Variants in UBE2W observed in about 807,000 individuals in gnomAD.
UBE2W encodes ubiquitin-conjugating enzyme E2 W.
A neutral mutation model predicts 27.2 loss-of-function variants in UBE2W; 18 were observed. The observed-to-expected ratio is 0.66, with a 90% CI of 0.46 to 0.98. The LOEUF is 0.98. UBE2W is among the 50% of genes least tolerant of loss of function. The pLI, the probability that UBE2W is intolerant of heterozygous loss-of-function variation, is 0.00. For missense variants in UBE2W, 90 were observed against 180.2 expected, an observed-to-expected ratio of 0.50 and a Z score of 2.87; for synonymous variants, 53 against 57.2, an observed-to-expected ratio of 0.93 and a Z score of 0.33.
chr8:73,808,150 G>T (rs965005529), intron 4 of UBE2W, among the ~76,000 whole-genome samples: 2 of 152,150 alleles, frequency 1.3e-5, no homozygotes, highest in African/African-American at 4.8e-5. Flanking sequence ...AATTAACAAA[G>T]TAAAGCCCAT....
At chr8:73,820,600 G>C (rs1809569258) in intron 3 of UBE2W, among the ~76,000 whole-genome samples, 1 of 152,028 alleles carries the variant, frequency 6.6e-6, no homozygotes, top group Admixed American at 6.6e-5. Flanking sequence ...AATAAGCCAG[G>C]CATGGTGGTG....
intron 1 of UBE2W, among the ~76,000 whole-genome samples, chr8:73,865,656 G>A (rs929158075): frequency 6.6e-6 from 1 of 152,028 alleles, no homozygotes; most frequent in East Asian, 1.9e-4. Context: ...TTCTCTACTA[G>A]AATCCTTAAA....
intron 1 of UBE2W, among the ~76,000 whole-genome samples, chr8:73,851,185 TTTCA>T (rs754327403): frequency 1.7e-4 from 25 of 148,532 alleles, no homozygotes; most frequent in Non-Finnish European, 3.3e-4. Context: ...TGTATGCATG[TTTCA>T]TTATCTTTTT....
chr8:73,836,500 G>C (rs1810312447), intron 1 of UBE2W, among the ~76,000 whole-genome samples: 1 of 152,178 alleles, frequency 6.6e-6, no homozygotes, highest in Non-Finnish European at 1.5e-5. Context: ...CAGTTCATTA[G>C]ACAGGGCAGG....
chr8:73,785,533 T>C (rs75503497), downstream of UBE2W, among the ~76,000 whole-genome samples: 1,397 of 152,262 alleles, frequency 9.2e-3, 28 homozygotes, highest in African/African-American at 0.032. Flanking sequence ...TTGGGCTCTA[T>C]TGAACCCATC....
intron 1 of UBE2W, among the ~76,000 whole-genome samples, chr8:73,855,063 C>T (rs1483923190): frequency 6.6e-6 from 1 of 152,204 alleles, no homozygotes; most frequent in Non-Finnish European, 1.5e-5. Context: ...ATGTATGAAG[C>T]AGTTCAACTT....
At chr8:73,856,977 G>A (rs985604719) in intron 1 of UBE2W, among the ~76,000 whole-genome samples, 7 of 152,194 alleles carry the variant, frequency 4.6e-5, no homozygotes, top group Non-Finnish European at 1.0e-4. Flanking sequence ...AAAGTGCTGA[G>A]ATTATAGACG....
chr8:73,839,636 G>A (rs926636175), intron 1 of UBE2W, among the ~76,000 whole-genome samples: 7 of 149,282 alleles, frequency 4.7e-5, no homozygotes, highest in Non-Finnish European at 7.4e-5. Context: ...CAGCCTGGGC[G>A]ACAGCACAAG....
downstream of UBE2W, among the ~76,000 whole-genome samples, chr8:73,784,535 A>C (rs534153634): frequency 1.3e-5 from 2 of 152,306 alleles, no homozygotes; most frequent in East Asian, 3.9e-4. Flanking sequence ...CTAGAATGTG[A>C]TAACTTTATG....
At position 73,866,387 on chromosome 8, in the gene UBE2W, G is replaced by A. The variant is rs1462406756; in HGVS notation, c.15+12421C>T. Reference sequence around the variant, plus strand: ...GACTGCAATATAAATTCTTATCTGAGGAACAGCTCTCCACTCACCCAGAGA... The same window carrying A: ...GACTGCAATATAAATTCTTATCTGAAGAACAGCTCTCCACTCACCCAGAGA... On this transcript the variant is annotated intron_variant, in intron 1 of 5. Coordinates refer to ENST00000602593, the MANE Select transcript of UBE2W (RefSeq NM_018299.6). Among the ~76,000 whole-genome samples the A allele has an allele frequency of 2.1e-5, 3 of 145,596 alleles. No homozygotes were observed. The Admixed American group carries it at 2.1e-4, about 10-fold the overall frequency.
intron 1 of UBE2W, chr8:73,870,333 C>T: frequency 6.4e-7 from 1 of 1,560,846 alleles, no homozygotes; most frequent in South Asian, 1.2e-5. Flanking sequence ...TCATGTAACA[C>T]ATGGTCATAA....
At chr8:73,804,630 C>T (rs889886748) in intron 5 of UBE2W, among the ~76,000 whole-genome samples, 3 of 151,676 alleles carry the variant, frequency 2.0e-5, no homozygotes, top group South Asian at 2.1e-4. Context: ...CTGTGACTCC[C>T]GCCTCCTCCC....
chr8:73,877,191 CTT>C (rs1812269515), intron 1 of UBE2W, among the ~76,000 whole-genome samples: 1 of 152,306 alleles, frequency 6.6e-6, no homozygotes, highest in East Asian at 1.9e-4. Context: ...ATGTTTTAAT[CTT>C]AACACAGATA....
chr8:73,789,982 A>G lies in UBE2W; in HGVS notation c.*4120T>C. On this transcript the variant is annotated 3_prime_UTR_variant, in exon 6 of 6. Transcript: ENST00000602593. Reference sequence around the variant, plus strand: ...CATCCGAAAATAACAAAATTTCCTTAATATTAGTACTAAAGAACTAATTAC... The same window carrying G: ...CATCCGAAAATAACAAAATTTCCTTGATATTAGTACTAAAGAACTAATTAC... 2.0e-6 allele frequency: 2 copies of G among 984,412 alleles called. No individual in the cohort carries two copies. The highest frequency in any genetic ancestry group is 2.4e-6 in the Non-Finnish European group (2 of 829,004). The allele number at this position is 984,412 out of a possible 1,614,324, so 61.0% of individuals were successfully genotyped here. A position where few individuals can be genotyped will look rare whatever the true frequency, so the allele number is the denominator to read the frequency against.
In UBE2W at chr8:73,797,545, G is replaced by A. The variant is rs187097893; in HGVS notation, c.443-3430C>T. On this transcript the variant is annotated intron_variant, in intron 5 of 5. Transcript: ENST00000602593. ...AATGGTTTTATAACTCCAAAAGCTGGTACAAATAAAAAAGTTCACAACACA... is the reference window on the plus strand; with the variant it reads ...AATGGTTTTATAACTCCAAAAGCTGATACAAATAAAAAAGTTCACAACACA... Among the ~76,000 whole-genome samples the A allele has an allele frequency of 8.5e-5, 13 of 152,310 alleles. 1 individual carries two copies. Among genetic ancestry groups the A allele is most frequent in the African/African-American group, 3.1e-4 (13 of 41,570 alleles).
At chr8:73,876,907 C>T (rs561465151) in intron 1 of UBE2W, among the ~76,000 whole-genome samples, 2 of 152,174 alleles carry the variant, frequency 1.3e-5, no homozygotes, top group Admixed American at 6.5e-5. Flanking sequence ...GTGGAGGCTG[C>T]GGTGAGCCAA....
chr8:73,859,462 C>T (rs1370199039), intron 1 of UBE2W, among the ~76,000 whole-genome samples: 19 of 152,244 alleles, frequency 1.2e-4, no homozygotes, highest in African/African-American at 3.9e-4. Context: ...GCTGAGATTG[C>T]GCCACTGCAC....
In UBE2W at chr8:73,878,800, C is replaced by G. The variant is rs1007220234; in HGVS notation, c.15+8G>C. 2 of 1,550,020 alleles carry G rather than the reference C, an allele frequency of 1.3e-6. No individual in the cohort carries two copies. The highest frequency in any genetic ancestry group is 1.4e-5 in the African/African-American group (1 of 72,886). On this transcript the variant is annotated splice_region_variant and intron_variant, in intron 1 of 5. Coordinates refer to ENST00000602593, the MANE Select transcript of UBE2W (RefSeq NM_018299.6). ...CTGGCCCGCCCAGATGCAGCAAACTCCTCTCACCTGCATTGACGCCATGAT... is the reference window on the plus strand; with the variant it reads ...CTGGCCCGCCCAGATGCAGCAAACTGCTCTCACCTGCATTGACGCCATGAT...
At chr8:73,872,751 TAAAGA>T (rs1273108853) in intron 1 of UBE2W, among the ~76,000 whole-genome samples, 3 of 152,186 alleles carry the variant, frequency 2.0e-5, no homozygotes, top group South Asian at 2.1e-4. Flanking sequence ...TTTTTATAGC[TAAAGA>T]AAAGAAGAAA....
Sources: allele counts gnomAD v4.1 joint callset (sites outside exome capture counted in the v4.1 genomes callset), GRCh38; gene constraint gnomAD v4.1.1; transcripts MANE v1.5; gene names NCBI Gene and HGNC (gene_info 2026-07-23, HGNC 2026-07-21).